The following DAGLB variants were observed in gnomAD, a reference collection of about 807,000 sequenced individuals.
DAGLB encodes the protein diacylglycerol lipase beta, also known as diacylglycerol lipase-beta.
Under a neutral mutation model 72.1 loss-of-function variants are expected in DAGLB, and 66 were observed. That is an observed-to-expected ratio of 0.92 (90% CI 0.75 to 1.12). The LOEUF is 1.12. Among genes scored for constraint, DAGLB ranks in the 50% most tolerant of loss-of-function variants. The pLI is 0.00. For missense variants in DAGLB, 1,065 were observed against 884.9 expected (o/e 1.20, Z -2.58); for synonymous variants, 414 against 359.5 (o/e 1.15, Z -1.71).
intron 2 of DAGLB, among the ~76,000 whole-genome samples, chr7:6,442,879 T>A (rs1784874588): frequency 6.6e-6 from 1 of 151,870 alleles, no homozygotes; most frequent in African/African-American, 2.4e-5. Context: ...ATGGTTCAAC[T>A]TTGTCTCTAC....
chr7:6,409,957 C>A lies in DAGLB; in HGVS notation c.1899G>T (p.Pro633=), dbSNP rs369839410. ...CTGGCATGTGGTCGGTGAGCATCTT[C>A]GGACCTATGAGTATTTTGCTGAATT... ...EAEFSKILIG[P]KMLTDHMPDI... The change falls in exon 15 of 15, where the codon CCG becomes CCT. Residue 633 remains proline (P), a synonymous_variant. Transcript: ENST00000297056. 6 of 1,614,140 alleles carry A rather than the reference C, an allele frequency of 3.7e-6. No individual in the cohort carries two copies. The South Asian group carries it at 5.5e-5, about 15-fold the overall frequency.
Position 6,447,733 on chromosome 7 carries a change from A to G in DAGLB, c.95+15T>C, listed in dbSNP as rs763141690. ...CTCCGGTGGGCTCCACCGCCCCCGT[A>G]GCCGCCGTCCTTACCACAGCACTCG... On this transcript the variant is annotated intron_variant, in intron 1 of 14. Coordinates refer to ENST00000297056, the MANE Select transcript of DAGLB (RefSeq NM_139179.4). 1.2e-6 allele frequency: 2 copies of G among 1,609,000 alleles called. No individual in the cohort carries two copies. The highest frequency in any genetic ancestry group is 2.2e-5 in the East Asian group (1 of 44,588).
At chr7:6,411,197 C>T (rs911067195) in intron 13 of DAGLB, among the ~76,000 whole-genome samples, 21 of 151,038 alleles carry the variant, frequency 1.4e-4, no homozygotes, top group African/African-American at 2.2e-4. Flanking sequence ...TTAGTAGAGA[C>T]GGGGTTTCTC....
chr7:6,413,999 T>TG (rs1562478133), intron 11 of DAGLB, among the ~76,000 whole-genome samples: 1 of 152,168 alleles, frequency 6.6e-6, no homozygotes, highest in Non-Finnish European at 1.5e-5. Context: ...ATTCTACCTC[T>TG]GGGGTGACAG....
At chr7:6,410,724 C>T (rs1783694430) in intron 13 of DAGLB, among the ~76,000 whole-genome samples, 1 of 152,124 alleles carries the variant, frequency 6.6e-6, no homozygotes, top group Admixed American at 6.6e-5. Context: ...CCTTCCTTCC[C>T]TGAAAGGCAT....
At chr7:6,424,057 AGG>A (rs1205692064) in intron 8 of DAGLB, among the ~76,000 whole-genome samples, 5 of 148,878 alleles carry the variant, frequency 3.4e-5, no homozygotes, top group African/African-American at 1.2e-4. Context: ...AGAGCCAGTC[AGG>A]AGCAGAAGAG....
intron 9 of DAGLB, among the ~76,000 whole-genome samples, chr7:6,420,491 C>A (rs556638051): frequency 6.6e-6 from 1 of 151,650 alleles, no homozygotes; most frequent in Non-Finnish European, 1.5e-5. Flanking sequence ...AAATCCTGTA[C>A]GATTCCACTT....
rs375945695 is a variant in DAGLB at position 6,423,408 on chromosome 7, G to A, written c.1140+1344C>T. Among the ~76,000 whole-genome samples the A allele has an allele frequency of 4.0e-5, 6 of 151,652 alleles. No homozygotes were observed. The South Asian group carries it at 8.3e-4, about 21-fold the overall frequency. On this transcript the variant is annotated intron_variant, in intron 8 of 14. Transcript: ENST00000297056. ...GAAGTTCACACACAGCAGACAGGGCGCACAGAAACCACAGACGACGCCACT... is the reference window on the plus strand; with the variant it reads ...GAAGTTCACACACAGCAGACAGGGCACACAGAAACCACAGACGACGCCACT...
chr7:6,426,729 T>C (rs1190335224), intron 6 of DAGLB, among the ~76,000 whole-genome samples: 3 of 152,192 alleles, frequency 2.0e-5, no homozygotes, highest in African/African-American at 7.2e-5. Flanking sequence ...AAAGCAAACC[T>C]GTCCAAATGA....
chr7:6,419,202 A>G (rs1014124544), intron 9 of DAGLB, among the ~76,000 whole-genome samples: 4 of 149,512 alleles, frequency 2.7e-5, no homozygotes, highest in African/African-American at 9.9e-5. Context: ...TTGTATTTTC[A>G]GTAGAGATGG....
At chr7:6,443,819 A>T (rs1784911739) in intron 2 of DAGLB, among the ~76,000 whole-genome samples, 1 of 152,156 alleles carries the variant, frequency 6.6e-6, no homozygotes, top group Non-Finnish European at 1.5e-5. Flanking sequence ...CTGACCAATG[A>T]ATCATTTCTA....
intron 9 of DAGLB, chr7:6,417,178 T>C (rs1783946146): frequency 4.7e-6 from 2 of 428,460 alleles, no homozygotes; most frequent in Non-Finnish European, 8.5e-6. Flanking sequence ...GGAGGACACT[T>C]GAGCCCAGGA....
intron 11 of DAGLB, among the ~76,000 whole-genome samples, chr7:6,415,834 G>C (rs186817407): frequency 4.7e-5 from 7 of 147,600 alleles, no homozygotes; most frequent in Non-Finnish European, 1.0e-4. Flanking sequence ...GACAGAGCAA[G>C]ACTCCGTCTC....
In DAGLB at chr7:6,434,742, A is replaced by T. The variant is rs200784025; in HGVS notation, c.678+20T>A. On this transcript the variant is annotated intron_variant, in intron 4 of 14. Transcript: ENST00000297056. ...TACTGAAACAGAAGAAACAGACCAA[A>T]CCAGATCCCCTCGGCTTACTGAAAA... 69 of 1,613,536 alleles carry T rather than the reference A, an allele frequency of 4.3e-5. No homozygotes were observed. The East Asian group carries it at 1.4e-3, about 33-fold the overall frequency.
intron 4 of DAGLB, among the ~76,000 whole-genome samples, chr7:6,433,738 C>T (rs1429816278): frequency 6.6e-6 from 1 of 151,880 alleles, no homozygotes; most frequent in Non-Finnish European, 1.5e-5. Context: ...TATTGTAGTA[C>T]TCTAGCTACT....
rs777640837 is a variant in DAGLB at position 6,416,638 on chromosome 7, C to G, written c.1416G>C (p.Arg472=). ...AAACAAAGGCTCACCTCCACAGCCC[C>G]CGGGGTGGGGAGAAGGCGTAGCACC... is the stretch of plus-strand genomic sequence containing the variant. The part of the protein sequence containing the change: ...QVRCYAFSPP[R]GLWSKALQEY... Residue 472 remains arginine, a synonymous_variant, in exon 11 of 15, where the codon CGG becomes CGC. Transcript: ENST00000297056. 8 of 1,609,596 alleles carry G rather than the reference C, an allele frequency of 5.0e-6. No homozygotes were observed. Among genetic ancestry groups the G allele is most frequent in the Non-Finnish European group, 6.8e-6 (8 of 1,177,514 alleles).
chr7:6,447,369 G>A (rs1045560680), intron 1 of DAGLB, among the ~76,000 whole-genome samples: 1 of 152,178 alleles, frequency 6.6e-6, no homozygotes, highest in East Asian at 1.9e-4. Context: ...GGGCACAAGT[G>A]GCTGCTCCCG....
chr7:6,435,220 G>A (rs1485752688), intron 3 of DAGLB, among the ~76,000 whole-genome samples, 200 bp from the exon 4 acceptor site: 2 of 152,166 alleles, frequency 1.3e-5, no homozygotes, highest in East Asian at 1.9e-4. Context: ...GGGCATGGTG[G>A]CTCACACCTG....
At chr7:6,427,042 A>G (rs1784334053) in intron 6 of DAGLB, among the ~76,000 whole-genome samples, 1 of 152,200 alleles carries the variant, frequency 6.6e-6, no homozygotes, top group South Asian at 2.1e-4. Context: ...TGGGAGGCAG[A>G]GGTTGCAGTG....
Sources: gnomAD v4.1 joint callset for allele counts (sites outside exome capture counted in the v4.1 genomes callset) on GRCh38, gnomAD v4.1.1 for gene constraint, MANE v1.5 for transcripts, NCBI Gene and HGNC (gene_info 2026-07-23, HGNC 2026-07-21) for gene names.